Variants in COL26A1 observed in about 807,000 individuals in gnomAD.
COL26A1 encodes the protein collagen type XXVI alpha 1 chain.
A neutral mutation model predicts 59.3 loss-of-function variants in COL26A1; 41 were observed. That is an observed-to-expected ratio of 0.69 (90% CI 0.54 to 0.90). COL26A1 has a LOEUF of 0.90. Among genes scored for constraint, COL26A1 ranks in the 40% least tolerant of loss-of-function variants. The pLI is 0.00. For missense variants in COL26A1, 612 were observed against 602.3 expected, an observed-to-expected ratio of 1.02 and a Z score of -0.17; for synonymous variants, 266 against 256.0, an observed-to-expected ratio of 1.04 and a Z score of -0.37.
chr7:101,551,966 C>T (rs914216128), intron 10 of COL26A1, among the ~76,000 whole-genome samples: 5 of 152,148 alleles, frequency 3.3e-5, no homozygotes, highest in African/African-American at 4.8e-5. Context: ...TTATTATCCC[C>T]GTTTGCCAAA....
chr7:101,454,215 CT>C (rs905902710), intron 3 of COL26A1, among the ~76,000 whole-genome samples: 94 of 151,982 alleles, frequency 6.2e-4, no homozygotes, highest in Admixed American at 3.5e-3. Flanking sequence ...CCCTCTCAAA[CT>C]GCAAAGAAGT....
chr7:101,518,887 C>T (rs115991620), intron 3 of COL26A1, among the ~76,000 whole-genome samples: 1,979 of 152,194 alleles, frequency 0.013, 48 homozygotes, highest in African/African-American at 0.045. Flanking sequence ...TTCCTTCATC[C>T]AAGCATCCCC....
In COL26A1 at chr7:101,489,653, CTTTCTTT is replaced by C. The variant is rs1563007239; in HGVS notation, c.385+41867_385+41873del. Reference sequence around the variant, plus strand: ...TCTTTCTTTCTTTCTTTCTTTCTTTCTTTCTTTCTTCCTTCCTTCCTTCCTTCCTTTC... The same window carrying C: ...TCTTTCTTTCTTTCTTTCTTTCTTTCCTTCCTTCCTTCCTTCCTTCCTTTC... On this transcript the variant is annotated intron_variant, in intron 3 of 12. Transcript: ENST00000313669. 7.5e-4 allele frequency among the ~76,000 whole-genome samples: 56 copies of C among 74,946 alleles called. 1 individual carries two copies. Among genetic ancestry groups the C allele is most frequent in the East Asian group, 1.2e-3 (5 of 4,158 alleles). 49.2% of individuals were successfully genotyped at this position (74,946 alleles called of 152,430 possible). A position where few individuals can be genotyped will look rare whatever the true frequency, so the allele number is the denominator to read the frequency against.
chr7:101,558,601 C>T lies in COL26A1; in HGVS notation c.*1071C>T, dbSNP rs866096659. On this transcript the variant is annotated 3_prime_UTR_variant, in exon 13 of 13. Transcript: ENST00000313669. ...TGGGAAGAGATGCTCCTGCCTCCCA[C>T]CTTCCAGAGTTGGGGGCCTGGCAGG... The T allele has an allele frequency of 1.3e-5, 2 of 152,276 alleles. No individual in the cohort carries two copies. Among genetic ancestry groups the T allele is most frequent in the Non-Finnish European group, 2.9e-5 (2 of 68,078 alleles). The allele number at this position is 152,276 out of a possible 1,614,324, so 9.4% of individuals were successfully genotyped here. A position where few individuals can be genotyped will look rare whatever the true frequency, so the allele number is the denominator to read the frequency against.
chr7:101,438,160 G>A (rs1328689830), intron 2 of COL26A1, among the ~76,000 whole-genome samples: 2 of 151,378 alleles, frequency 1.3e-5, no homozygotes, highest in African/African-American at 4.8e-5. Flanking sequence ...TCGGGAGTTG[G>A]AGACCAGGCT....
intron 3 of COL26A1, among the ~76,000 whole-genome samples, chr7:101,449,498 G>C (rs908071458): frequency 6.6e-6 from 1 of 152,272 alleles, no homozygotes; most frequent in African/African-American, 2.4e-5. Context: ...GCCGGGAATG[G>C]TGGCTTATGA....
chr7:101,558,304 T>C lies in COL26A1; in HGVS notation c.*774T>C, dbSNP rs1347068846. 2 of 152,224 alleles carry C rather than the reference T, an allele frequency of 1.3e-5. No homozygotes were observed. The highest frequency in any genetic ancestry group is 6.5e-5 in the Admixed American group (1 of 15,280). 9.4% of individuals were successfully genotyped at this position (152,224 alleles called of 1,614,324 possible). ...ACTTGAGGACCTTGAGAGAGAAGCA[T>C]TGGGGGTGCAAGTGTCCACCAAACC... On this transcript the variant is annotated 3_prime_UTR_variant, in exon 13 of 13. Transcript: ENST00000313669.
At chr7:101,469,429 C>T (rs1359280435) in intron 3 of COL26A1, among the ~76,000 whole-genome samples, 3 of 151,932 alleles carry the variant, frequency 2.0e-5, no homozygotes, top group Non-Finnish European at 2.9e-5. Flanking sequence ...CGTCAGATGC[C>T]GGCCATAAAC....
chr7:101,417,375 C>CT (rs71106526), intron 1 of COL26A1, among the ~76,000 whole-genome samples: 37,292 of 138,970 alleles, frequency 0.27, 5,000 homozygotes, highest in Middle Eastern at 0.31. Context: ...AGGTCACAAG[C>CT]TTTTTTTTTT....
At position 101,489,838 on chromosome 7, in the gene COL26A1, CTTT is replaced by C. The variant is rs1563008221; in HGVS notation, c.385+42052_385+42054del. ...TCTTTCTTTCTTTCTTTCTTTCTTT[CTTT>C]CTTTCTTTCTTTCTTTCTTTCTTTC... On this transcript the variant is annotated intron_variant, in intron 3 of 12. Transcript: ENST00000313669. 6.2e-3 allele frequency among the ~76,000 whole-genome samples: 112 copies of C among 18,030 alleles called. 12 individuals carry two copies. Among genetic ancestry groups the C allele is most frequent in the Non-Finnish European group, 7.1e-3 (81 of 11,332 alleles). The allele number at this position is 18,030 out of a possible 152,430, so 11.8% of individuals were successfully genotyped here. A position where few individuals can be genotyped will look rare whatever the true frequency, so the allele number is the denominator to read the frequency against.
intron 1 of COL26A1, among the ~76,000 whole-genome samples, chr7:101,408,734 T>C (rs1316788441): frequency 6.6e-6 from 1 of 152,178 alleles, no homozygotes; most frequent in African/African-American, 2.4e-5. Flanking sequence ...GTGCAGGACT[T>C]CATATTTGCC....
At chr7:101,413,381 T>A (rs1322416000) in intron 1 of COL26A1, among the ~76,000 whole-genome samples, 1 of 152,146 alleles carries the variant, frequency 6.6e-6, no homozygotes, top group South Asian at 2.1e-4. Flanking sequence ...TAGCCGGGTA[T>A]GGTGGCGGGT....
At chr7:101,406,124 T>C (rs1792123390) in intron 1 of COL26A1, among the ~76,000 whole-genome samples, 1 of 152,220 alleles carries the variant, frequency 6.6e-6, no homozygotes, top group Admixed American at 6.5e-5. Flanking sequence ...TCATCGCCTT[T>C]GTGTTTTTGC....
At chr7:101,433,622 A>C (rs1020003331) in intron 2 of COL26A1, among the ~76,000 whole-genome samples, 1 of 152,058 alleles carries the variant, frequency 6.6e-6, no homozygotes, top group African/African-American at 2.4e-5. Context: ...GATGCTTATA[A>C]ACCACTGAGA....
At chr7:101,551,237 G>GGGGGGGGGGGGGGGGGGGCC in intron 10 of COL26A1, 94 bp downstream of exon 10, 7 of 386,360 alleles carry the variant, frequency 1.8e-5, no homozygotes, top group East Asian at 1.2e-4. Context: ...TGGTGGGGGG[G>GGGGGGGGGGGGGGGGGGGCC]TTCAGCCCTG....
intron 3 of COL26A1, among the ~76,000 whole-genome samples, chr7:101,525,698 G>A (rs941913350): frequency 7.3e-5 from 11 of 151,644 alleles, no homozygotes; most frequent in African/African-American, 2.2e-4. Flanking sequence ...GGGTTTCACT[G>A]TGTTAGCCAG....
At chr7:101,451,615 C>T (rs147713827) in intron 3 of COL26A1, among the ~76,000 whole-genome samples, 2,797 of 150,574 alleles carry the variant, frequency 0.019, 44 homozygotes, top group Middle Eastern at 0.043. Flanking sequence ...TAAAAACGAA[C>T]CTGAAATTAA....
chr7:101,371,595 G>A (rs956678750), intron 1 of COL26A1, among the ~76,000 whole-genome samples: 15 of 95,988 alleles, frequency 1.6e-4, no homozygotes, highest in Admixed American at 1.7e-4. Context: ...AGACCAGCCC[G>A]GGAAATATAG....
intron 1 of COL26A1, among the ~76,000 whole-genome samples, chr7:101,407,312 C>A (rs375253964): frequency 5.3e-5 from 8 of 152,134 alleles, no homozygotes; most frequent in African/African-American, 1.9e-4. Flanking sequence ...CATGGCCCTC[C>A]GCTTGTCTCT....
Sources: allele counts gnomAD v4.1 joint callset (sites outside exome capture counted in the v4.1 genomes callset), GRCh38; gene constraint gnomAD v4.1.1; transcripts MANE v1.5; gene names NCBI Gene and HGNC (gene_info 2026-07-23, HGNC 2026-07-21).